Variants in RUVBL1 observed in about 807,000 individuals in gnomAD.
RUVBL1 encodes the protein RuvB like AAA ATPase 1.
A neutral mutation model predicts 52.4 loss-of-function variants in RUVBL1; 4 were observed. That is an observed-to-expected ratio of 0.08 (90% confidence interval 0.04 to 0.17). The LOEUF (loss-of-function observed/expected upper bound fraction) is 0.17. RUVBL1 is among the 10% of genes least tolerant of loss of function. RUVBL1 has a pLI of 1.00. For synonymous variants in RUVBL1, 217 were observed against 214.4 expected, an observed-to-expected ratio of 1.01 and a Z score of -0.10; for missense variants, 298 against 572.8, an observed-to-expected ratio of 0.52 and a Z score of 4.90.
intron 1 of RUVBL1, among the ~76,000 whole-genome samples, chr3:128,146,947 T>C (rs1422222091): frequency 6.6e-6 from 1 of 152,256 alleles, no homozygotes; most frequent in Admixed American, 6.5e-5. Context: ...AAAGGCTCAC[T>C]CCAGCTTCTG....
exon 10 of RUVBL1, chr3:128,065,171 C>A: frequency 9.7e-7 from 1 of 1,031,280 alleles, no homozygotes; most frequent in Non-Finnish European, 1.5e-6. Flanking sequence ...TATTTGAAGG[C>A]AGCAGGTTTC....
chr3:128,072,147 G>A (rs1942184352), intron 9 of RUVBL1, among the ~76,000 whole-genome samples: 1 of 152,214 alleles, frequency 6.6e-6, no homozygotes, highest in Non-Finnish European at 1.5e-5. Flanking sequence ...TTGTGTGGGT[G>A]GGAGTGGCAG....
At chr3:128,107,554 G>A (rs1943274684) in intron 3 of RUVBL1, among the ~76,000 whole-genome samples, 1 of 152,138 alleles carries the variant, frequency 6.6e-6, no homozygotes, top group South Asian at 2.1e-4. Context: ...TGGGCTGTTT[G>A]CCTTCTCTAC....
At chr3:128,075,461 A>C (rs1397123418) in intron 9 of RUVBL1, among the ~76,000 whole-genome samples, 5 of 152,226 alleles carry the variant, frequency 3.3e-5, no homozygotes, top group Non-Finnish European at 7.3e-5. Flanking sequence ...TGCATCAAAA[A>C]ACTAAGTGTA....
chr3:128,140,324 T>G (rs1164552660), intron 1 of RUVBL1, among the ~76,000 whole-genome samples: 8 of 109,950 alleles, frequency 7.3e-5, no homozygotes. Flanking sequence ...CTAATAGACC[T>G]GAGAACAAAG....
intron 2 of RUVBL1, among the ~76,000 whole-genome samples, chr3:128,114,050 A>T (rs1316259658): frequency 6.6e-6 from 1 of 152,260 alleles, no homozygotes; most frequent in African/African-American, 2.4e-5. Context: ...CAAGATAATT[A>T]CAGCTGGCAA....
exon 1 of RUVBL1, chr3:128,153,839 G>T: frequency 6.7e-7 from 1 of 1,495,350 alleles, no homozygotes; most frequent in Non-Finnish European, 8.8e-7. Flanking sequence ...CGCGGGCCGG[G>T]GCGGGAGCCG....
At chr3:128,139,102 C>T (rs2107733343) in intron 1 of RUVBL1, among the ~76,000 whole-genome samples, 1 of 152,290 alleles carries the variant, frequency 6.6e-6, no homozygotes, top group South Asian at 2.1e-4. Flanking sequence ...TAAAATAAAA[C>T]ATTGGAGAAA....
At chr3:128,111,219 C>CAAA (rs11289688) in intron 3 of RUVBL1, among the ~76,000 whole-genome samples, 2 of 128,644 alleles carry the variant, frequency 1.6e-5, no homozygotes, top group Non-Finnish European at 1.6e-5. Flanking sequence ...GACTCTCTCT[C>CAAA]AAAAAAAAAA....
At chr3:128,085,977 G>C (rs565411124) in intron 9 of RUVBL1, among the ~76,000 whole-genome samples, 1 of 152,282 alleles carries the variant, frequency 6.6e-6, no homozygotes, top group South Asian at 2.1e-4. Context: ...TATGAACTTG[G>C]GCGAATTAGT....
At chr3:128,084,582 G>A (rs1299657267) in intron 9 of RUVBL1, 1 of 152,160 alleles carries the variant, frequency 6.6e-6, no homozygotes, top group Non-Finnish European at 1.5e-5. Flanking sequence ...CAGAATGTCA[G>A]GGACACTCTG....
chr3:128,119,494 A>G, intron 1 of RUVBL1, 80 bp from the exon 2 acceptor site: 3 of 1,106,162 alleles, frequency 2.7e-6, no homozygotes, highest in Non-Finnish European at 2.6e-6. Context: ...CCTGGCCTAC[A>G]CAAGTCACAC....
intron 4 of RUVBL1, among the ~76,000 whole-genome samples, chr3:128,102,784 A>C (rs998916805): frequency 1.1e-4 from 17 of 152,196 alleles, no homozygotes; most frequent in Non-Finnish European, 2.1e-4. Flanking sequence ...AAATAAATTA[A>C]AATTCCTGGA....
chr3:128,123,291 C>G (rs765337812), intron 1 of RUVBL1, among the ~76,000 whole-genome samples: 5 of 152,154 alleles, frequency 3.3e-5, no homozygotes, highest in Non-Finnish European at 7.3e-5. Flanking sequence ...GCGAATAGAG[C>G]CTGGTACGAA....
chr3:128,078,023 G>A (rs1219537317), downstream of RUVBL1, among the ~76,000 whole-genome samples: 2 of 152,216 alleles, frequency 1.3e-5, no homozygotes, highest in African/African-American at 2.4e-5. Context: ...ACACAGAGGA[G>A]GAAAATGCAA....
chr3:128,087,120 CA>C (rs1463462175), intron 9 of RUVBL1, among the ~76,000 whole-genome samples: 2 of 152,256 alleles, frequency 1.3e-5, no homozygotes, highest in Non-Finnish European at 1.5e-5. Flanking sequence ...CAGACCTGCC[CA>C]GGGGCGGCCT....
At chr3:128,133,802 C>G (rs746067100) in intron 1 of RUVBL1, among the ~76,000 whole-genome samples, 2 of 152,164 alleles carry the variant, frequency 1.3e-5, no homozygotes, top group Non-Finnish European at 2.9e-5. Flanking sequence ...GCTCAGACTG[C>G]AAAGACTGTA....
In RUVBL1 at chr3:128,149,263, C is replaced by A. The variant is rs191837266; in HGVS notation, c.-40+3940G>T. Among the ~76,000 whole-genome samples, 402 of 151,164 alleles carry A rather than the reference C, an allele frequency of 2.7e-3. 1 individual carries two copies. Among genetic ancestry groups the A allele is most frequent in the African/African-American group, 9.0e-3 (370 of 41,132 alleles). ...GCAGTGGTGCGATCATGGCTCACTG[C>A]AACCTCTGCATCCCGGGTTCAAGCA... On this transcript the variant is annotated intron_variant, in intron 1 of 9. Coordinates refer to the RUVBL1 transcript ENST00000464873.
chr3:128,070,245 G>C (rs868089354), intron 9 of RUVBL1: 1 of 152,314 alleles, frequency 6.6e-6, no homozygotes, highest in African/African-American at 2.4e-5. Flanking sequence ...TCTTCCAAAA[G>C]AGAGGGATGG....
Sources: gnomAD v4.1 joint callset for allele counts (sites outside exome capture counted in the v4.1 genomes callset) on GRCh38, gnomAD v4.1.1 for gene constraint, MANE v1.5 for transcripts, NCBI Gene and HGNC (gene_info 2026-07-23, HGNC 2026-07-21) for gene names.